FN1: variants seen among roughly 807,000 people sequenced by gnomAD.
FN1 encodes the protein fibronectin.
Under a neutral mutation model 297.3 loss-of-function variants are expected in FN1, and 106 were observed. The observed-to-expected ratio is 0.36, with a 90% confidence interval of 0.30 to 0.42. The LOEUF is 0.42. Among genes scored for constraint, FN1 ranks in the 10% least tolerant of loss-of-function variants. FN1 has a pLI of 1.00. For missense variants in FN1, 2,690 were observed against 3,124.9 expected, an observed-to-expected ratio of 0.86 and a Z score of 3.32; for synonymous variants, 1,149 against 1,152.6, an observed-to-expected ratio of 1.00 and a Z score of 0.06.
intron 20 of FN1, 104 bp from the exon 21 acceptor site, chr2:215,399,455 C>T: frequency 3.8e-6 from 3 of 790,158 alleles, no homozygotes; most frequent in Non-Finnish European, 4.5e-6. Context: ...TTTAACCAAG[C>T]AGTGGATAGA....
Position 215,389,618 on chromosome 2 carries a change from C to T in FN1, c.4253-1317G>A, listed in dbSNP as rs559676672. Among the ~76,000 whole-genome samples the T allele has an allele frequency of 3.3e-5, 5 of 151,580 alleles. No individual in the cohort carries two copies. The East Asian group carries it at 5.9e-4, about 18-fold the overall frequency. Reference sequence around the variant, plus strand: ...GCCTGGCCAACATGGTGAAACCCCTCGTCTACTAAAAATACAAAAAAATTA... The same window carrying T: ...GCCTGGCCAACATGGTGAAACCCCTTGTCTACTAAAAATACAAAAAAATTA... On this transcript the variant is annotated intron_variant, in intron 26 of 45. Coordinates refer to ENST00000354785, the MANE Select transcript of FN1 (RefSeq NM_212482.4).
intron 35 of FN1, among the ~76,000 whole-genome samples, chr2:215,377,462 T>TC (rs908302274): frequency 9.3e-5 from 14 of 150,334 alleles, no homozygotes; most frequent in East Asian, 2.0e-4. Context: ...TATAAGGTCC[T>TC]CCCCCCCCAA....
chr2:215,403,588 C>T (rs891687399), intron 20 of FN1, among the ~76,000 whole-genome samples: 2 of 152,142 alleles, frequency 1.3e-5, no homozygotes, highest in Non-Finnish European at 1.5e-5. Context: ...TAAGGAGTCT[C>T]ATAATTCTCT....
At chr2:215,382,755 G>C (rs942835674) in intron 31 of FN1, among the ~76,000 whole-genome samples, 1 of 152,140 alleles carries the variant, frequency 6.6e-6, no homozygotes, top group South Asian at 2.1e-4. Flanking sequence ...CCAGAAGGGT[G>C]AATCTAGTAA....
At chr2:215,410,482 T>C (rs950702029) in intron 13 of FN1, among the ~76,000 whole-genome samples, 3 of 150,682 alleles carry the variant, frequency 2.0e-5, no homozygotes, top group African/African-American at 4.9e-5. Context: ...CGGGGTGACA[T>C]AGTTGCAGAC....
At chr2:215,370,554 C>CAAAAAA in intron 40 of FN1, 122 bp from the exon 41 acceptor site, 26 of 313,426 alleles carry the variant, frequency 8.3e-5, no homozygotes, top group South Asian at 3.6e-4. Context: ...AAACAAAAAA[C>CAAAAAA]AAAAAAAAAA....
At chr2:215,365,723 A>C in intron 42 of FN1, 93 bp from the exon 43 acceptor site, 1 of 1,192,168 alleles carries the variant, frequency 8.4e-7, no homozygotes, top group Non-Finnish European at 1.2e-6. Context: ...CAGGGTCTTC[A>C]GAACCATGAT....
Position 215,435,605 on chromosome 2 carries a change from T to C in FN1, c.148+50A>G. On this transcript the variant is annotated intron_variant, in intron 1 of 45. Coordinates refer to ENST00000354785, the MANE Select transcript of FN1 (RefSeq NM_212482.4). ...CTTCAGCCCCAACTTTGGTCGGCTT[T>C]AGGGTCCCATCCCTGAGGCAGCCTG... 4 of 1,610,884 alleles carry C rather than the reference T, an allele frequency of 2.5e-6. No individual in the cohort carries two copies. The South Asian group carries it at 4.4e-5, about 18-fold the overall frequency.
chr2:215,402,398 A>G (rs1191249916), intron 20 of FN1, among the ~76,000 whole-genome samples: 1 of 152,218 alleles, frequency 6.6e-6, no homozygotes, highest in Non-Finnish European at 1.5e-5. Flanking sequence ...CCCTATCAAT[A>G]TAAGACTAAG....
intron 20 of FN1, among the ~76,000 whole-genome samples, chr2:215,401,242 GA>G (rs1387205425): frequency 3.4e-5 from 2 of 59,688 alleles, no homozygotes; most frequent in East Asian, 3.2e-4. Flanking sequence ...AAGAAAGAAA[GA>G]AAGAAAGGAA....
In FN1 at chr2:215,370,225, CA is replaced by C. The variant is rs2055596531; in HGVS notation, c.6853+68del. The C allele has an allele frequency of 1.9e-5, 28 of 1,508,292 alleles. No homozygotes were observed. The South Asian group carries it at 2.7e-4, about 15-fold the overall frequency. 93.4% of individuals were successfully genotyped at this position (1,508,292 alleles called of 1,614,324 possible). A position where few individuals can be genotyped will look rare whatever the true frequency, so the allele number is the denominator to read the frequency against. On this transcript the variant is annotated intron_variant, in intron 41 of 45. Transcript: ENST00000354785. ...AAGACAATGGCAACAAAGGTACAGTCAACAGAAAAGCCCATCTCTGGTGTAC... is the reference window on the plus strand; with the variant it reads ...AAGACAATGGCAACAAAGGTACAGTCACAGAAAAGCCCATCTCTGGTGTAC...
intron 40 of FN1, among the ~76,000 whole-genome samples, chr2:215,371,598 C>T (rs528469765): frequency 1.4e-5 from 2 of 146,954 alleles, no homozygotes; most frequent in South Asian, 4.3e-4. Flanking sequence ...AAAGTAGAGC[C>T]ATATTGGGAT....
rs377315833 is a variant in FN1 at position 215,370,540 on chromosome 2, C to CAAAAAAAAAAAAAAA, written c.6715-109_6715-108insTTTTTTTTTTTTTTT. ...ACTGTTTAAACAAAGCAAAGGAAGA[C>CAAAAAAAAAAAAAAA]AAAAAACAAAAAACAAAAAAAAAAA... On this transcript the variant is annotated intron_variant, in intron 40 of 45. Coordinates refer to ENST00000354785, the MANE Select transcript of FN1 (RefSeq NM_212482.4). The CAAAAAAAAAAAAAAA allele has an allele frequency of 1.6e-4, 50 of 304,948 alleles. 1 individual carries two copies. The highest frequency in any genetic ancestry group is 1.5e-3 in the African/African-American group (40 of 27,290). The allele number at this position is 304,948 out of a possible 1,614,324, so 18.9% of individuals were successfully genotyped here.
chr2:215,429,301 G>C (rs1290335750), intron 5 of FN1, among the ~76,000 whole-genome samples: 1 of 152,198 alleles, frequency 6.6e-6, no homozygotes, highest in Non-Finnish European at 1.5e-5. Context: ...CACTGGAAGA[G>C]TGGGATCAAC....
chr2:215,405,665 C>A (rs576727141), intron 19 of FN1, among the ~76,000 whole-genome samples: 1 of 152,116 alleles, frequency 6.6e-6, no homozygotes, highest in Non-Finnish European at 1.5e-5. Flanking sequence ...ATTGCTTGAA[C>A]CCAGGTGGTA....
At chr2:215,422,853 A>T (rs1452840277) in intron 9 of FN1, among the ~76,000 whole-genome samples, 5 of 152,134 alleles carry the variant, frequency 3.3e-5, no homozygotes, top group East Asian at 1.9e-4. Flanking sequence ...GGGGACCTTT[A>T]AAAAAAGAGT....
Position 215,425,230 on chromosome 2 carries a change from G to A in FN1, c.900C>T (p.Pro300=), listed in dbSNP as rs2065120307. ...RAAVYQPQPH[P]QPPPYGHCVT... Reference sequence around the variant, plus strand: ...CACAGTGGCCATAGGGAGGAGGCTGGGGGTGAGGCTGCGGTTGGTAAACAG... The same window carrying A: ...CACAGTGGCCATAGGGAGGAGGCTGAGGGTGAGGCTGCGGTTGGTAAACAG... Residue 300 remains proline (P), a synonymous_variant, in exon 7 of 46, where the codon CCC becomes CCT. Coordinates refer to ENST00000354785, the MANE Select transcript of FN1 (RefSeq NM_212482.4). The A allele has an allele frequency of 6.2e-7, 1 of 1,614,032 alleles. No homozygotes were observed. The highest frequency in any genetic ancestry group is 8.5e-7 in the Non-Finnish European group (1 of 1,180,028).
chr2:215,426,581 C>T (rs2065479159), intron 6 of FN1, among the ~76,000 whole-genome samples: 1 of 152,056 alleles, frequency 6.6e-6, no homozygotes, highest in East Asian at 1.9e-4. Flanking sequence ...ACACTAGAAC[C>T]CAAAGATGTT....
Position 215,373,389 on chromosome 2 carries a change from A to G in FN1, c.6180T>C (p.Tyr2060=), listed in dbSNP as rs1452684479. 6.2e-7 allele frequency: 1 copy of G among 1,613,252 alleles called. No homozygotes were observed. Among genetic ancestry groups the G allele is most frequent in the East Asian group, 2.2e-5 (1 of 44,818 alleles). ...TITGLEPGTE[Y]TIYVIALKNN... ...TCTTCAGGGCAATGACATAAATTGT[A>G]TATTCGGTTCCCGGTTCCAGGCCTG... Residue 2060 remains tyrosine, a synonymous_variant, in exon 39 of 46, where the codon TAT becomes TAC. Transcript: ENST00000354785.
Sources: allele counts gnomAD v4.1 joint callset (sites outside exome capture counted in the v4.1 genomes callset), GRCh38; gene constraint gnomAD v4.1.1; transcripts MANE v1.5; gene names NCBI Gene and HGNC (gene_info 2026-07-23, HGNC 2026-07-21).